The following SLIT2 variants were observed in gnomAD, a reference collection of about 807,000 sequenced individuals.
SLIT2 encodes the protein slit homolog 2 protein.
A neutral mutation model predicts 185.7 loss-of-function variants in SLIT2; 41 were observed. That is an observed-to-expected ratio of 0.22 (90% CI 0.17 to 0.29). The LOEUF is 0.29. SLIT2 is among the 10% of genes least tolerant of loss of function. The probability of loss-of-function intolerance (pLI) is 1.00; values close to 1 mark genes in which losing one functional copy is unlikely to be tolerated. For synonymous variants in SLIT2, 693 were observed against 680.2 expected, an observed-to-expected ratio of 1.02 and a Z score of -0.29; for missense variants, 1,571 against 1,909.0, an observed-to-expected ratio of 0.82 and a Z score of 3.30.
intron 17 of SLIT2, among the ~76,000 whole-genome samples, chr4:20,532,800 T>C (rs930960805): frequency 2.6e-5 from 4 of 152,220 alleles, no homozygotes; most frequent in African/African-American, 4.8e-5. Context: ...GATATCTTAA[T>C]TGCCCTCCTT....
In SLIT2 at chr4:20,533,718, A is replaced by G. The variant is rs761617721; in HGVS notation, c.1832+3A>G. The stretch of plus-strand genomic sequence containing the variant: ...GGATTGGAAAGCCTCAAAACTTTGT[A>G]AGTATTTGTACTTGCATTGCAGTTC... On this transcript the variant is annotated splice_donor_region_variant and intron_variant, in intron 18 of 36. Transcript: ENST00000504154. 3.7e-6 allele frequency: 6 copies of G among 1,610,032 alleles called. No homozygotes were observed. The highest frequency in any genetic ancestry group is 1.3e-5 in the African/African-American group (1 of 74,758).
intron 26 of SLIT2, among the ~76,000 whole-genome samples, chr4:20,566,472 G>A (rs1364420016): frequency 1.2e-4 from 18 of 152,052 alleles, no homozygotes; most frequent in Admixed American, 1.2e-3. Context: ...ATAAGTATTT[G>A]TGAACAAAGG....
chr4:20,374,673 C>T (rs1338451942), intron 4 of SLIT2, among the ~76,000 whole-genome samples: 5 of 151,418 alleles, frequency 3.3e-5, no homozygotes, highest in African/African-American at 1.2e-4. Flanking sequence ...TCCTTCTTTC[C>T]TTCCTTTCCC....
intron 16 of SLIT2, among the ~76,000 whole-genome samples, chr4:20,530,310 C>T (rs1289825268): frequency 6.6e-6 from 1 of 151,742 alleles, no homozygotes; most frequent in Non-Finnish European, 1.5e-5. Context: ...CACTATCTCA[C>T]CCAGGCAGGA....
intron 4 of SLIT2, among the ~76,000 whole-genome samples, chr4:20,357,193 T>C (rs1449488155): frequency 6.6e-6 from 1 of 152,110 alleles, no homozygotes; most frequent in Admixed American, 6.6e-5. Flanking sequence ...CTCCTTTAAT[T>C]GGGGGAAGTT....
chr4:20,548,724 A>G (rs1560185923), intron 23 of SLIT2, among the ~76,000 whole-genome samples, 165 bp downstream of exon 23: 1 of 152,142 alleles, frequency 6.6e-6, no homozygotes, highest in Non-Finnish European at 1.5e-5. Context: ...AGACATTAGG[A>G]AAAGTATTGC....
intron 4 of SLIT2, among the ~76,000 whole-genome samples, chr4:20,346,238 C>T (rs979594658): frequency 3.3e-5 from 5 of 152,126 alleles, no homozygotes; most frequent in African/African-American, 1.2e-4. Context: ...TCAAGCTATC[C>T]GCCTGCCTCG....
In SLIT2 at chr4:20,353,401, A is replaced by G. The variant is rs537446691; in HGVS notation, c.395+84520A>G. Among the ~76,000 whole-genome samples, 208 of 152,328 alleles carry G rather than the reference A, an allele frequency of 1.4e-3. 1 individual carries two copies. Among genetic ancestry groups the G allele is most frequent in the African/African-American group, 4.9e-3 (203 of 41,574 alleles). On this transcript the variant is annotated intron_variant, in intron 4 of 36. Transcript: ENST00000504154. ...CTAAAAAAGCAAGTATAATGACCAT[A>G]GTATGAAACTTAATTGTGATATAAT...
In SLIT2 at chr4:20,467,877, G is replaced by A; in HGVS notation, c.467+54G>A. 5.5e-6 allele frequency: 5 copies of A among 910,418 alleles called. No homozygotes were observed. The East Asian group carries it at 1.1e-4, about 20-fold the overall frequency. 56.4% of individuals were successfully genotyped at this position (910,418 alleles called of 1,614,324 possible). On this transcript the variant is annotated intron_variant, in intron 5 of 36. Coordinates refer to ENST00000504154, the MANE Select transcript of SLIT2 (RefSeq NM_004787.4). ...TTTTAAGTCATTATCTATTTTCAAA[G>A]TCAAGTTTATATTAAATAAAGTGTC...
At chr4:20,509,015 C>T (rs1004871565) in intron 9 of SLIT2, among the ~76,000 whole-genome samples, 21 of 150,742 alleles carry the variant, frequency 1.4e-4, no homozygotes, top group African/African-American at 4.4e-4. Context: ...AAATGTTACG[C>T]GTGTGTGTGT....
intron 4 of SLIT2, among the ~76,000 whole-genome samples, chr4:20,451,512 T>C (rs1447784198): frequency 6.6e-6 from 1 of 152,186 alleles, no homozygotes. Context: ...TCATATGTTG[T>C]TGGTTAATTT....
intron 3 of SLIT2, among the ~76,000 whole-genome samples, chr4:20,266,360 C>T (rs1713037250): frequency 6.6e-6 from 1 of 151,842 alleles, no homozygotes; most frequent in East Asian, 1.9e-4. Flanking sequence ...CCGAGAATCA[C>T]ATCATCAAGG....
At chr4:20,301,835 C>T (rs752692205) in intron 4 of SLIT2, among the ~76,000 whole-genome samples, 2 of 152,108 alleles carry the variant, frequency 1.3e-5, no homozygotes, top group South Asian at 2.1e-4. Context: ...TTTTATTTCT[C>T]GAAGGAAAAT....
intron 26 of SLIT2, 127 bp from the exon 27 acceptor site, chr4:20,567,135 A>G: frequency 1.2e-6 from 1 of 842,174 alleles, no homozygotes; most frequent in African/African-American, 1.7e-5. Context: ...GTCATGGATG[A>G]GAGACACATA....
At chr4:20,576,402 C>A (rs1726089065) in intron 29 of SLIT2, among the ~76,000 whole-genome samples, 1 of 151,982 alleles carries the variant, frequency 6.6e-6, no homozygotes, top group African/African-American at 2.4e-5. Flanking sequence ...TCTCTTTGCC[C>A]CCATACACTA....
chr4:20,480,863 C>T lies in SLIT2; in HGVS notation c.539+76C>T, dbSNP rs1716629461. On this transcript the variant is annotated intron_variant, in intron 6 of 36. Transcript: ENST00000504154. ...CAGGACTAATGTGGAAGCTTATCTG[C>T]TAGCTTAAAACCTTGTTGTCAAAAT... 8 of 1,050,410 alleles carry T rather than the reference C, an allele frequency of 7.6e-6. No homozygotes were observed. The South Asian group carries it at 1.0e-4, about 13-fold the overall frequency. The allele number at this position is 1,050,410 out of a possible 1,614,324, so 65.1% of individuals were successfully genotyped here.
chr4:20,330,371 G>A (rs1385155359), intron 4 of SLIT2, among the ~76,000 whole-genome samples: 4 of 152,052 alleles, frequency 2.6e-5, no homozygotes, highest in African/African-American at 9.7e-5. Flanking sequence ...TGAAATAAAA[G>A]TAGTGTATTA....
intron 4 of SLIT2, among the ~76,000 whole-genome samples, chr4:20,373,515 G>A (rs1031163974): frequency 6.6e-6 from 1 of 151,094 alleles, no homozygotes; most frequent in African/African-American, 2.4e-5. Flanking sequence ...TATCTATCCT[G>A]TAATATTAAA....
At chr4:20,355,636 T>G (rs1372624674) in intron 4 of SLIT2, among the ~76,000 whole-genome samples, 2 of 152,180 alleles carry the variant, frequency 1.3e-5, no homozygotes, top group Non-Finnish European at 2.9e-5. Flanking sequence ...ACCTTTGATT[T>G]AATACCAAAC....
Sources: gnomAD v4.1 joint callset for allele counts (sites outside exome capture counted in the v4.1 genomes callset) on GRCh38, gnomAD v4.1.1 for gene constraint, MANE v1.5 for transcripts, NCBI Gene and HGNC (gene_info 2026-07-23, HGNC 2026-07-21) for gene names.